The following OTUD7A variants were observed in gnomAD, a reference collection of about 807,000 sequenced individuals.
OTUD7A encodes the protein OTU domain-containing protein 7A.
OTUD7A carries 12 observed loss-of-function variants against 65.7 expected under a neutral mutation model. The observed-to-expected ratio is 0.18, with a 90% confidence interval of 0.12 to 0.30. The LOEUF is 0.30. Among genes scored for constraint, OTUD7A ranks in the 10% least tolerant of loss-of-function variants. The pLI, the probability that OTUD7A is intolerant of heterozygous loss-of-function variation, is 1.00. For missense variants in OTUD7A, 1,148 were observed against 1,304.8 expected, an observed-to-expected ratio of 0.88 and a Z score of 1.85; for synonymous variants, 641 against 586.3, an observed-to-expected ratio of 1.09 and a Z score of -1.35.
chr15:31,838,103 T>C (rs974959578), intron 1 of OTUD7A, among the ~76,000 whole-genome samples: 1 of 152,202 alleles, frequency 6.6e-6, no homozygotes, highest in African/African-American at 2.4e-5. Context: ...CTAAATATCA[T>C]GTCTTATAAA....
At chr15:31,800,853 T>C (rs1383398276) in intron 1 of OTUD7A, among the ~76,000 whole-genome samples, 1 of 152,120 alleles carries the variant, frequency 6.6e-6, no homozygotes, top group Non-Finnish European at 1.5e-5. Flanking sequence ...ACAGCAGCCA[T>C]GGCAGCGTCT....
Position 31,770,609 on chromosome 15 carries a change from A to G in OTUD7A, c.-100+99898T>C, listed in dbSNP as rs188393052. 2.4e-4 allele frequency among the ~76,000 whole-genome samples: 37 copies of G among 152,366 alleles called. No individual in the cohort carries two copies. The East Asian group carries it at 6.0e-3, about 25-fold the overall frequency. ...TCTGATATCAAAGCCAGACAAAGAA[A>G]AGAAACTATAGGCCAATATCCTTCA... On this transcript the variant is annotated intron_variant, in intron 1 of 12. Coordinates refer to ENST00000307050, the MANE Select transcript of OTUD7A (RefSeq NM_001382637.1).
intron 1 of OTUD7A, among the ~76,000 whole-genome samples, chr15:31,850,178 A>G (rs1404518083): frequency 6.6e-6 from 1 of 152,240 alleles, no homozygotes; most frequent in African/African-American, 2.4e-5. Flanking sequence ...CATCAATGAT[A>G]GATTGGATTA....
chr15:31,755,736 G>C (rs996541659), intron 1 of OTUD7A, among the ~76,000 whole-genome samples: 10 of 150,722 alleles, frequency 6.6e-5, no homozygotes, highest in African/African-American at 2.4e-4. Context: ...AAAAAAAAAA[G>C]TACTGGTCTT....
At chr15:31,754,272 A>G (rs1373799970) in intron 1 of OTUD7A, among the ~76,000 whole-genome samples, 1 of 152,012 alleles carries the variant, frequency 6.6e-6, no homozygotes, top group African/African-American at 2.4e-5. Context: ...TTTGTCAGAC[A>G]TATAGATTGT....
chr15:31,596,251 G>A (rs1370100919), intron 3 of OTUD7A, among the ~76,000 whole-genome samples: 2 of 152,140 alleles, frequency 1.3e-5, no homozygotes, highest in East Asian at 1.9e-4. Flanking sequence ...AGTGTCTTCC[G>A]TGTCTCTCCT....
intron 3 of OTUD7A, among the ~76,000 whole-genome samples, chr15:31,621,862 G>A (rs1230104820): frequency 9.2e-5 from 14 of 151,898 alleles, no homozygotes; most frequent in African/African-American, 2.2e-4. Context: ...TCCTAGCATC[G>A]ATGGTCTTTT....
chr15:31,803,202 C>T (rs1896181095), intron 1 of OTUD7A, among the ~76,000 whole-genome samples: 1 of 152,190 alleles, frequency 6.6e-6, no homozygotes, highest in Non-Finnish European at 1.5e-5. Context: ...CAGCAGCAAA[C>T]TCCAGACTAG....
chr15:31,495,612 C>T (rs1595556749), intron 10 of OTUD7A, among the ~76,000 whole-genome samples: 1 of 152,182 alleles, frequency 6.6e-6, no homozygotes, highest in East Asian at 1.9e-4. Flanking sequence ...AAATATGGCC[C>T]AGTGAGACTG....
intron 5 of OTUD7A, among the ~76,000 whole-genome samples, chr15:31,532,581 T>A (rs1320578714): frequency 6.6e-6 from 1 of 150,648 alleles, no homozygotes; most frequent in South Asian, 2.1e-4. Flanking sequence ...CATGTGGGAC[T>A]GCGACAAAAG....
At chr15:31,832,663 G>A (rs1009404662) in intron 1 of OTUD7A, among the ~76,000 whole-genome samples, 65 of 151,998 alleles carry the variant, frequency 4.3e-4, no homozygotes, top group Admixed American at 4.1e-3. Context: ...TGAATTTGAC[G>A]ACTCTAGGTA....
Position 31,487,296 on chromosome 15 carries a change from T to G in OTUD7A, c.1287-18A>C. The stretch of plus-strand genomic sequence containing the variant: ...GGATAAGGCTGGCAAGAGAAGAATA[T>G]CCTATTGAAATGGTCTGAGCTGGCC... On this transcript the variant is annotated intron_variant, in intron 11 of 12. Coordinates refer to ENST00000307050, the MANE Select transcript of OTUD7A (RefSeq NM_001382637.1). This position sits in a 1 kb window ranked among gnomAD's most constrained non-coding sequence, Gnocchi z 6.0. 6.2e-7 allele frequency: 1 copy of G among 1,613,192 alleles called. No individual in the cohort carries two copies. Among genetic ancestry groups the G allele is most frequent in the Non-Finnish European group, 8.5e-7 (1 of 1,179,320 alleles).
intron 3 of OTUD7A, among the ~76,000 whole-genome samples, chr15:31,606,856 GAATT>G (rs1247121106): frequency 6.6e-6 from 1 of 152,130 alleles, no homozygotes; most frequent in African/African-American, 2.4e-5. Context: ...AATCAGTTTA[GAATT>G]CTTTCATAAA....
At chr15:31,723,054 C>T (rs1193940431) in intron 1 of OTUD7A, among the ~76,000 whole-genome samples, 1 of 152,156 alleles carries the variant, frequency 6.6e-6, no homozygotes, top group African/African-American at 2.4e-5. Flanking sequence ...GTGATTCCAC[C>T]ATGAGGACCA....
At position 31,483,592 on chromosome 15, in the gene OTUD7A, C is replaced by A; in HGVS notation, c.2504G>T (p.Arg835Leu). The change falls in exon 13 of 13, where the codon CGC (arginine) becomes CTC (leucine). Residue 835 changes from arginine (R) to leucine (L), a missense_variant. Physicochemically the swap from Arg to Leu is moderately radical, Grantham distance 102. Transcript: ENST00000307050. Reference sequence around the variant, plus strand: ...GCCCGGTAGGGCCCCGGGCACCGCGCGCGCCAGCGACTCGACCGTGTTGAC... The same window carrying A: ...GCCCGGTAGGGCCCCGGGCACCGCGAGCGCCAGCGACTCGACCGTGTTGAC... ...RTVNTVESLA[R>L]AVPGALPGAA... 4 of 1,231,800 alleles carry A rather than the reference C, an allele frequency of 3.2e-6. No homozygotes were observed. Among genetic ancestry groups the A allele is most frequent in the African/African-American group, 3.2e-5 (2 of 62,568 alleles). 76.3% of individuals were successfully genotyped at this position (1,231,800 alleles called of 1,614,324 possible).
In OTUD7A at chr15:31,530,862, G is replaced by A. The variant is rs371046737; in HGVS notation, c.551-54C>T. ...ATCCCAGAAAAGGAAGGGGCCACTG[G>A]GGGTGTTTGCTAAGGAGGCATAAAC... On this transcript the variant is annotated intron_variant, in intron 5 of 12. Coordinates refer to ENST00000307050, the MANE Select transcript of OTUD7A (RefSeq NM_001382637.1). 4 of 1,488,044 alleles carry A rather than the reference G, an allele frequency of 2.7e-6. No homozygotes were observed. The Admixed American group carries it at 7.2e-5, about 27-fold the overall frequency. 92.2% of individuals were successfully genotyped at this position (1,488,044 alleles called of 1,614,324 possible).
At chr15:31,765,525 G>A (rs140638733) in intron 1 of OTUD7A, among the ~76,000 whole-genome samples, 1 of 152,268 alleles carries the variant, frequency 6.6e-6, no homozygotes, top group East Asian at 1.9e-4. Flanking sequence ...CTGGATAGCT[G>A]TGTTAAAAAC....
At chr15:31,708,885 G>A (rs947316125) in intron 1 of OTUD7A, among the ~76,000 whole-genome samples, 2 of 151,430 alleles carry the variant, frequency 1.3e-5, no homozygotes, top group African/African-American at 4.9e-5. Flanking sequence ...AGGAGGCAGT[G>A]AGAGATACAG....
At chr15:31,758,185 T>TA (rs1181401168) in intron 1 of OTUD7A, among the ~76,000 whole-genome samples, 1 of 152,054 alleles carries the variant, frequency 6.6e-6, no homozygotes, top group African/African-American at 2.4e-5. Flanking sequence ...TAAACACATA[T>TA]AAAACTGTAG....
Sources: allele counts gnomAD v4.1 joint callset (sites outside exome capture counted in the v4.1 genomes callset), GRCh38; gene constraint gnomAD v4.1.1; non-coding constraint Gnocchi (gnomAD v3.1); transcripts MANE v1.5; gene names NCBI Gene and HGNC (gene_info 2026-07-23, HGNC 2026-07-21).